PRDM16: variants seen among roughly 807,000 people sequenced by gnomAD.
PRDM16 encodes the protein PR/SET domain 16.
In PRDM16, 23 loss-of-function variants were observed where a neutral mutation model predicts 110.6. That is an observed-to-expected ratio of 0.21 (90% CI 0.15 to 0.29). The LOEUF is 0.29. PRDM16 is among the 10% of genes least tolerant of loss of function. PRDM16 has a pLI of 1.00. For missense variants in PRDM16, 1,615 were observed against 1,794.3 expected (o/e 0.90, Z 1.81); for synonymous variants, 799 against 781.8 (o/e 1.02, Z -0.37).
chr1:3,336,435 T>A (rs1485738591), intron 3 of PRDM16, among the ~76,000 whole-genome samples: 1 of 151,824 alleles, frequency 6.6e-6, no homozygotes, highest in Non-Finnish European at 1.5e-5. Context: ...TGTGTTTGCA[T>A]GCACATGTGT....
At chr1:3,311,909 G>A (rs538347742) in intron 3 of PRDM16, among the ~76,000 whole-genome samples, 11 of 152,258 alleles carry the variant, frequency 7.2e-5, no homozygotes, top group East Asian at 5.8e-4. Context: ...CCTCACAGTC[G>A]CTCTACAGCT....
chr1:3,394,795 C>G (rs1426668695), intron 4 of PRDM16, among the ~76,000 whole-genome samples: 1 of 152,210 alleles, frequency 6.6e-6, no homozygotes, highest in Non-Finnish European at 1.5e-5. Flanking sequence ...TTTTCTAATA[C>G]AGTGGCTCAA....
intron 3 of PRDM16, among the ~76,000 whole-genome samples, chr1:3,275,023 C>T (rs1640550624): frequency 1.3e-5 from 2 of 152,208 alleles, no homozygotes; most frequent in Admixed American, 6.5e-5. Context: ...AGGTTGGACT[C>T]TGAGCATCCC....
chr1:3,219,770 G>A (rs1352824166), intron 2 of PRDM16, among the ~76,000 whole-genome samples: 2 of 152,150 alleles, frequency 1.3e-5, no homozygotes, highest in Non-Finnish European at 2.9e-5. Context: ...GTAACCGCCC[G>A]CCTGCCCTGC....
At chr1:3,396,454 C>T in intron 4 of PRDM16, 37 bp from the exon 5 acceptor site, 6 of 1,211,578 alleles carry the variant, frequency 5.0e-6, no homozygotes, top group Non-Finnish European at 7.2e-6. Context: ...CACCAACAAA[C>T]CACACTCACC....
At chr1:3,303,958 T>G (rs1282534853) in intron 3 of PRDM16, among the ~76,000 whole-genome samples, 5 of 125,904 alleles carry the variant, frequency 4.0e-5, no homozygotes, top group Admixed American at 1.5e-4. Flanking sequence ...TGGTGTGCCT[T>G]CTGAGGGATG....
rs115034949 is a variant in PRDM16, at chr1:3,290,159, G to A, written c.438+46022G>A. On this transcript the variant is annotated intron_variant, in intron 3 of 16. Coordinates refer to ENST00000270722, the MANE Select transcript of PRDM16 (RefSeq NM_022114.4). The surrounding 1 kb of genome is among the most constrained non-coding windows in gnomAD (Gnocchi z 4.8). ...ACAAACCCGGGCGCTGTTCTCCTGGGTATCACACCCTACGACTCCAAGGCT... is the reference window on the plus strand; with the variant it reads ...ACAAACCCGGGCGCTGTTCTCCTGGATATCACACCCTACGACTCCAAGGCT... 4.5e-3 allele frequency among the ~76,000 whole-genome samples: 683 copies of A among 152,322 alleles called. 9 individuals carry two copies. The highest frequency in any genetic ancestry group is 0.016 in the African/African-American group (653 of 41,564).
rs539659881 is a variant in PRDM16, at chr1:3,120,704, G to A, written c.37+51408G>A. Reference sequence around the variant, plus strand: ...CACCTTTCGCAGTGAAAGGCAGGGTGGATAGTCGGTGAGGAGAGGGTCTGG... The same window carrying A: ...CACCTTTCGCAGTGAAAGGCAGGGTAGATAGTCGGTGAGGAGAGGGTCTGG... On this transcript the variant is annotated intron_variant, in intron 1 of 16. Transcript: ENST00000270722. 6.6e-5 allele frequency among the ~76,000 whole-genome samples: 10 copies of A among 152,320 alleles called. No individual in the cohort carries two copies. The East Asian group carries it at 1.7e-3, about 27-fold the overall frequency.
chr1:3,247,228 G>C (rs1639809146), intron 3 of PRDM16, among the ~76,000 whole-genome samples: 2 of 152,168 alleles, frequency 1.3e-5, no homozygotes, highest in Admixed American at 1.3e-4. Flanking sequence ...TACACTTCCT[G>C]TTCTTTATCT....
Position 3,426,142 on chromosome 1 carries a change from G to C in PRDM16, c.3201G>C (p.Glu1067Asp), listed in dbSNP as rs752323177. The change falls in exon 14 of 17, where the codon GAG becomes GAC. Residue 1067 changes from glutamate to aspartate, a missense_variant. Coordinates refer to ENST00000270722, the MANE Select transcript of PRDM16 (RefSeq NM_022114.4). ...SESDNHALLD[E>D]KEDSYFSEIR... The stretch of plus-strand genomic sequence containing the variant: ...CGGACAACCACGCACTTTTAGACGA[G>C]AAAGAAGACTCTTATTTCTCGGAAA... 1 of 1,613,970 alleles carries C rather than the reference G, an allele frequency of 6.2e-7. No homozygotes were observed. Among genetic ancestry groups the C allele is most frequent in the Non-Finnish European group, 8.5e-7 (1 of 1,179,970 alleles).
In PRDM16 at chr1:3,245,366, A is replaced by G. The variant is rs377687095; in HGVS notation, c.438+1229A>G. Among the ~76,000 whole-genome samples the G allele has an allele frequency of 1.2e-4, 18 of 152,192 alleles. No individual in the cohort carries two copies. The East Asian group carries it at 2.1e-3, about 18-fold the overall frequency. ...GCCTACGAGGGACAGGGGACCCACC[A>G]TCTGGGCAGAGCTATCCGCAAAGCA... On this transcript the variant is annotated intron_variant, in intron 3 of 16. Coordinates refer to ENST00000270722, the MANE Select transcript of PRDM16 (RefSeq NM_022114.4). The surrounding 1 kb of genome is among the most constrained non-coding windows in gnomAD (Gnocchi z 4.7).
rs572250982 is a variant in PRDM16 at position 3,339,440 on chromosome 1, C to G, written c.439-45712C>G. 6.6e-6 allele frequency among the ~76,000 whole-genome samples: 1 copy of G among 152,050 alleles called. No homozygotes were observed. The highest frequency in any genetic ancestry group is 1.5e-5 in the Non-Finnish European group (1 of 67,996). On this transcript the variant is annotated intron_variant, in intron 3 of 16. Transcript: ENST00000270722. This position sits in a 1 kb window ranked among gnomAD's most constrained non-coding sequence, Gnocchi z 5.0. ...ACCCTAGAAAGTGCTCAGAGCAGAG[C>G]GGAAAGGGCATGACCCCTACCCAGT...
intron 2 of PRDM16, among the ~76,000 whole-genome samples, chr1:3,197,597 G>A: frequency 6.6e-6 from 1 of 152,256 alleles, no homozygotes; most frequent in East Asian, 1.9e-4. Flanking sequence ...GGACCACTAA[G>A]ACTGAAGAAT....
chr1:3,286,938 C>T (rs959287365), intron 3 of PRDM16, among the ~76,000 whole-genome samples: 3 of 151,590 alleles, frequency 2.0e-5, no homozygotes, highest in Admixed American at 1.3e-4. Context: ...GCTGGGTCTG[C>T]CCACCCTTCC....
rs1455138492 is a variant in PRDM16, at chr1:3,438,462, A to G, written c.*4651A>G. ...ATTCTGATGCTTGTGATGAACACAA[A>G]TGTACTTGTGTAGAGACATTTCCTT... On this transcript the variant is annotated 3_prime_UTR_variant, in exon 17 of 17. Coordinates refer to ENST00000270722, the MANE Select transcript of PRDM16 (RefSeq NM_022114.4). 4.9e-6 allele frequency: 1 copy of G among 205,864 alleles called. No individual in the cohort carries two copies. Among genetic ancestry groups the G allele is most frequent in the African/African-American group, 2.3e-5 (1 of 43,796 alleles). 12.8% of individuals were successfully genotyped at this position (205,864 alleles called of 1,614,324 possible).
chr1:3,258,295 G>T (rs1640091530), intron 3 of PRDM16, among the ~76,000 whole-genome samples: 1 of 152,202 alleles, frequency 6.6e-6, no homozygotes, highest in African/African-American at 2.4e-5. Context: ...GGGGGATATT[G>T]TGAGGATAAC....
chr1:3,309,070 T>G (rs1057128889), intron 3 of PRDM16: 1 of 152,184 alleles, frequency 6.6e-6, no homozygotes, highest in Non-Finnish European at 1.5e-5. Context: ...ATCCCCCAGT[T>G]CCTGTCCCTG....
In PRDM16 at chr1:3,390,123, G is replaced by C. The variant is rs1643273483; in HGVS notation, c.573+4837G>C. 6.6e-6 allele frequency among the ~76,000 whole-genome samples: 1 copy of C among 152,206 alleles called. No homozygotes were observed. Among genetic ancestry groups the C allele is most frequent in the African/African-American group, 2.4e-5 (1 of 41,460 alleles). On this transcript the variant is annotated intron_variant, in intron 4 of 16. Transcript: ENST00000270722. This position sits in a 1 kb window ranked among gnomAD's most constrained non-coding sequence, Gnocchi z 5.0. Reference sequence around the variant, plus strand: ...CTGAATTTGTTTTAACGTGAAGAAAGAAAACAAGAGCTTGGCGATGAAGCG... The same window carrying C: ...CTGAATTTGTTTTAACGTGAAGAAACAAAACAAGAGCTTGGCGATGAAGCG...
At position 3,349,654 on chromosome 1, in the gene PRDM16, T is replaced by C. The variant is rs1259950665; in HGVS notation, c.439-35498T>C. 2.0e-5 allele frequency among the ~76,000 whole-genome samples: 3 copies of C among 152,158 alleles called. No homozygotes were observed. The East Asian group carries it at 5.8e-4, about 29-fold the overall frequency. The stretch of plus-strand genomic sequence containing the variant: ...GCCCGGCAGAGCTCAGGGCCGCCCG[T>C]GAAAGCCAGCCTTGGATGGTAGCTT... On this transcript the variant is annotated intron_variant, in intron 3 of 16. Coordinates refer to ENST00000270722, the MANE Select transcript of PRDM16 (RefSeq NM_022114.4).
Sources: gnomAD v4.1 joint callset for allele counts (sites outside exome capture counted in the v4.1 genomes callset) on GRCh38, gnomAD v4.1.1 for gene constraint, Gnocchi (gnomAD v3.1) non-coding constraint, MANE v1.5 for transcripts, NCBI Gene and HGNC (gene_info 2026-07-23, HGNC 2026-07-21) for gene names.